Variants in RNF135 observed in about 807,000 individuals in gnomAD.
The protein encoded by RNF135 is ring finger protein 135.
In RNF135, 46 loss-of-function variants were observed where a neutral mutation model predicts 41.9. That is an observed-to-expected ratio of 1.10 (90% CI 0.87 to 1.40). The LOEUF is 1.40. Among genes scored for constraint, RNF135 ranks in the 40% most tolerant of loss-of-function variants. RNF135 has a pLI of 0.00. For missense variants in RNF135, 539 were observed against 549.8 expected (o/e 0.98, Z 0.20); for synonymous variants, 238 against 223.8 (o/e 1.06, Z -0.57).
chr17:30,966,392 TATTA>T (rs1371711263), upstream of RNF135, among the ~76,000 whole-genome samples: 4 of 128,892 alleles, frequency 3.1e-5, no homozygotes, highest in African/African-American at 1.9e-4. Flanking sequence ...AGTTTTATTT[TATTA>T]TTTTTTTATT....
chr17:30,969,390 A>T (rs1567733472), upstream of RNF135: 2 of 152,172 alleles, frequency 1.3e-5, no homozygotes, highest in African/African-American at 4.8e-5. Flanking sequence ...ACACCCACTA[A>T]ATCTCAGTAA....
the RNF135 span, among the ~76,000 whole-genome samples, chr17:30,960,742 T>TA: frequency 7.6e-6 from 1 of 132,304 alleles, no homozygotes; most frequent in African/African-American, 4.2e-5. Flanking sequence ...TTATTTTATT[T>TA]TATTTTTTTT....
rs147675675 is a variant in RNF135, at chr17:30,993,314, G to C, written c.680-3928G>C. 4.3e-3 allele frequency among the ~76,000 whole-genome samples: 650 copies of C among 152,184 alleles called. 5 individuals are homozygous for C. Among genetic ancestry groups the C allele is most frequent in the African/African-American group, 0.015 (627 of 41,532 alleles). Reference sequence around the variant, plus strand: ...GACCTCAGGTGATCTGCCTGCCTTTGCCTGCCTTGGCATCCCAAAGTGCTG... The same window carrying C: ...GACCTCAGGTGATCTGCCTGCCTTTCCCTGCCTTGGCATCCCAAAGTGCTG... On this transcript the variant is annotated intron_variant, in intron 3 of 4. Coordinates refer to ENST00000328381, the MANE Select transcript of RNF135 (RefSeq NM_032322.4).
upstream of RNF135, among the ~76,000 whole-genome samples, chr17:30,966,560 T>A (rs1185275509): frequency 3.9e-5 from 6 of 151,910 alleles, no homozygotes; most frequent in Non-Finnish European, 7.4e-5. Context: ...AGTGGCGCGA[T>A]CTTGGCTCAC....
chr17:30,962,754 G>A, the RNF135 span, among the ~76,000 whole-genome samples: 14 of 152,334 alleles, frequency 9.2e-5, no homozygotes, highest in African/African-American at 2.9e-4. Flanking sequence ...ATGAGCCACC[G>A]TGTCCGGCCT....
At chr17:30,985,518 A>G (rs1907522537) in intron 2 of RNF135, among the ~76,000 whole-genome samples, 2 of 152,244 alleles carry the variant, frequency 1.3e-5, no homozygotes, top group African/African-American at 2.4e-5. Context: ...AATATGCAGC[A>G]TATTGTAGCT....
intron 2 of RNF135, among the ~76,000 whole-genome samples, chr17:30,987,285 G>A (rs1274370454): frequency 1.3e-5 from 2 of 151,910 alleles, no homozygotes; most frequent in African/African-American, 4.8e-5. Context: ...TTGTAGTGCA[G>A]TGGCATGATC....
At chr17:30,996,658 C>T (rs779776348) in intron 3 of RNF135, among the ~76,000 whole-genome samples, 1 of 152,202 alleles carries the variant, frequency 6.6e-6, no homozygotes, top group Non-Finnish European at 1.5e-5. Context: ...ATTTTGCCTT[C>T]AAAGTCTGCA....
At chr17:30,974,183 A>G (rs1170100501) in intron 1 of RNF135, among the ~76,000 whole-genome samples, 3 of 152,154 alleles carry the variant, frequency 2.0e-5, no homozygotes, top group African/African-American at 7.2e-5. Flanking sequence ...CAGCCTGGGT[A>G]ATGGAGTGAG....
chr17:30,989,094 G>A (rs1025892401), intron 3 of RNF135, among the ~76,000 whole-genome samples: 5 of 148,500 alleles, frequency 3.4e-5, no homozygotes, highest in African/African-American at 1.2e-4. Context: ...TATAGGCCAA[G>A]TGCAGTGGCT....
At chr17:30,997,957 G>GTCC (rs1908477083) in intron 4 of RNF135, among the ~76,000 whole-genome samples, 1 of 152,218 alleles carries the variant, frequency 6.6e-6, no homozygotes, top group Non-Finnish European at 1.5e-5. Context: ...AATATACAAA[G>GTCC]TGAGTAAGAC....
intron 1 of RNF135, among the ~76,000 whole-genome samples, chr17:30,982,833 T>A (rs1217098187): frequency 6.6e-6 from 1 of 152,204 alleles, no homozygotes; most frequent in Admixed American, 6.5e-5. Flanking sequence ...TTAAAAAATT[T>A]TAAATTAACA....
At chr17:30,961,567 A>G in the RNF135 span, among the ~76,000 whole-genome samples, 2 of 151,946 alleles carry the variant, frequency 1.3e-5, no homozygotes, top group African/African-American at 4.8e-5. Flanking sequence ...GGTTCAAGCA[A>G]TTCTTCTGCC....
At chr17:30,979,782 G>A (rs1395216921) in intron 1 of RNF135, among the ~76,000 whole-genome samples, 1 of 124,128 alleles carries the variant, frequency 8.1e-6, no homozygotes, top group African/African-American at 3.0e-5. Flanking sequence ...CCCCCCTCCC[G>A]GACGGGGCGG....
intron 3 of RNF135, among the ~76,000 whole-genome samples, chr17:30,990,311 T>G (rs1368813634): frequency 6.6e-6 from 1 of 151,592 alleles, no homozygotes; most frequent in Non-Finnish European, 1.5e-5. Context: ...TCACCTGAGG[T>G]CAGGAGTTCG....
At chr17:30,997,031 G>A (rs890489385) in intron 3 of RNF135, among the ~76,000 whole-genome samples, 1 of 152,206 alleles carries the variant, frequency 6.6e-6, no homozygotes, top group African/African-American at 2.4e-5. Flanking sequence ...AGAGCTTAGT[G>A]AAGAAAGAGT....
At chr17:30,990,250 C>T (rs1231976285) in intron 3 of RNF135, among the ~76,000 whole-genome samples, 4 of 151,918 alleles carry the variant, frequency 2.6e-5, no homozygotes, top group Admixed American at 6.6e-5. Context: ...GGGCTGGGCG[C>T]GGTGGCTCAT....
At chr17:30,985,412 C>T (rs896040996) in intron 2 of RNF135, among the ~76,000 whole-genome samples, 1 of 152,192 alleles carries the variant, frequency 6.6e-6, no homozygotes, top group Admixed American at 6.6e-5. Context: ...AACTGCTCCT[C>T]TTCTGGGATT....
In RNF135 at chr17:30,998,644, C is replaced by T; in HGVS notation, c.770-18C>T. 2.4e-6 allele frequency: 3 copies of T among 1,227,074 alleles called. No homozygotes were observed. Among genetic ancestry groups the T allele is most frequent in the South Asian group, 1.4e-5 (1 of 70,534 alleles). The allele number at this position is 1,227,074 out of a possible 1,614,324, so 76.0% of individuals were successfully genotyped here. A position where few individuals can be genotyped will look rare whatever the true frequency, so the allele number is the denominator to read the frequency against. Reference sequence around the variant, plus strand: ...GATGACCGGCCATGTTCTTATTGTTCTTTTTTTTTTTCCAAAGGGGCCATC... The same window carrying T: ...GATGACCGGCCATGTTCTTATTGTTTTTTTTTTTTTTCCAAAGGGGCCATC... On this transcript the variant is annotated intron_variant, in intron 4 of 4. Coordinates refer to ENST00000328381, the MANE Select transcript of RNF135 (RefSeq NM_032322.4).
Sources: gnomAD v4.1 joint callset for allele counts (sites outside exome capture counted in the v4.1 genomes callset) on GRCh38, gnomAD v4.1.1 for gene constraint, MANE v1.5 for transcripts, NCBI Gene and HGNC (gene_info 2026-07-23, HGNC 2026-07-21) for gene names.